The following USP13 variants were observed in gnomAD, a reference collection of about 807,000 sequenced individuals.
USP13 encodes ubiquitin specific peptidase 13, also known as ubiquitin carboxyl-terminal hydrolase 13.
In USP13, 68 loss-of-function variants were observed where a neutral mutation model predicts 107.8. That is an observed-to-expected ratio of 0.63 (90% CI 0.52 to 0.77). The LOEUF (loss-of-function observed/expected upper bound fraction) is 0.77, where lower values mean the gene tolerates loss of function less well. Ranked by LOEUF, USP13 falls within the 30% of genes least tolerant of loss-of-function variation. USP13 has a pLI of 0.00. For missense variants in USP13, 945 were observed against 1,093.3 expected, an observed-to-expected ratio of 0.86 and a Z score of 1.91; for synonymous variants, 377 against 389.5, an observed-to-expected ratio of 0.97 and a Z score of 0.38.
At chr3:179,695,767 A>G (rs1239655736) in intron 3 of USP13, among the ~76,000 whole-genome samples, 1 of 152,004 alleles carries the variant, frequency 6.6e-6, no homozygotes, top group Non-Finnish European at 1.5e-5. Context: ...CTGTGTGTAC[A>G]TCTTTGTATA....
intron 16 of USP13, among the ~76,000 whole-genome samples, chr3:179,760,023 C>T (rs866690703): frequency 3.9e-5 from 6 of 152,108 alleles, no homozygotes; most frequent in African/African-American, 7.2e-5. Context: ...TTTCTCTTCT[C>T]GGTTCTTTTC....
intron 10 of USP13, among the ~76,000 whole-genome samples, chr3:179,730,994 C>G (rs1246418161): frequency 6.6e-6 from 1 of 152,176 alleles, no homozygotes; most frequent in East Asian, 1.9e-4. Flanking sequence ...GATCGAAGGA[C>G]TAAATCTCAT....
intron 1 of USP13, among the ~76,000 whole-genome samples, chr3:179,657,246 G>T (rs1158421449): frequency 1.3e-5 from 2 of 152,134 alleles, no homozygotes; most frequent in Non-Finnish European, 2.9e-5. Context: ...GCCGGGGCGC[G>T]GTGGCTAACG....
At position 179,653,236 on chromosome 3, in the gene USP13, G is replaced by A. The variant is rs374896625; in HGVS notation, c.11G>A (p.Arg4Gln). 6.8e-4 allele frequency: 1,048 copies of A among 1,547,268 alleles called. No homozygotes were observed. Among genetic ancestry groups the A allele is most frequent in the Non-Finnish European group, 8.2e-4 (940 of 1,146,720 alleles). MQR[R>Q]GALFGMPGGS... ...GTGCGCGCCGAGGCCATGCAGCGCCGGGGCGCCCTGTTCGGCATGCCGGGC... is the reference window on the plus strand; with the variant it reads ...GTGCGCGCCGAGGCCATGCAGCGCCAGGGCGCCCTGTTCGGCATGCCGGGC... Residue 4 changes from arginine (R) to glutamine (Q), a missense_variant, in exon 1 of 21, where the codon CGG becomes CAG. Coordinates refer to ENST00000263966, the MANE Select transcript of USP13 (RefSeq NM_003940.3). This position sits in a 1 kb window ranked among gnomAD's most constrained non-coding sequence, Gnocchi z 4.0.
chr3:179,715,073 A>C (rs567233922), intron 6 of USP13, among the ~76,000 whole-genome samples: 12 of 151,280 alleles, frequency 7.9e-5, no homozygotes, highest in African/African-American at 2.9e-4. Context: ...GTAGAAATGG[A>C]GTCTTACTAT....
intron 19 of USP13, among the ~76,000 whole-genome samples, chr3:179,773,469 T>G (rs947384281): frequency 2.0e-5 from 3 of 152,206 alleles, no homozygotes; most frequent in Non-Finnish European, 4.4e-5. Context: ...TTGTAAATAT[T>G]TTAGATGCTA....
rs1019163159 is a variant in USP13, at chr3:179,784,054, G to T, written c.2505G>T (p.Val835=). 6.2e-7 allele frequency: 1 copy of T among 1,609,728 alleles called. No homozygotes were observed. Among genetic ancestry groups the T allele is most frequent in the African/African-American group, 1.3e-5 (1 of 74,708 alleles). Residue 835 remains valine (V), a synonymous_variant, in exon 21 of 21, where the codon GTG becomes GTT. Transcript: ENST00000263966. The part of the protein sequence containing the change: ...ICHIKKEGRW[V]IYNDHKVCAS... ...GCTTCTGTCTTATTTTCAGATGGGT[G>T]ATTTACAATGACCACAAAGTTTGTG...
intron 13 of USP13, among the ~76,000 whole-genome samples, chr3:179,750,274 A>G (rs1714547832): frequency 6.9e-6 from 1 of 144,996 alleles, no homozygotes; most frequent in South Asian, 2.2e-4. Flanking sequence ...TCAAAATAAT[A>G]ATAATAATAA....
chr3:179,740,269 C>T lies in USP13; in HGVS notation c.1277C>T (p.Pro426Leu), dbSNP rs766966080. ...TAGCCACAGCAGAACGGGATCTCTC[C>T]GCGCATGTTTAAGGCCTTTGTAAGC... Reference protein sequence around the residue: ...EHKPQQNGISPRMFKAFVSKS... With the variant: ...EHKPQQNGISLRMFKAFVSKS... Residue 426 changes from proline to leucine, a missense_variant, in exon 11 of 21, where the codon CCG becomes CTG. Physicochemically the swap from Pro to Leu is moderately conservative, Grantham distance 98. Coordinates refer to ENST00000263966, the MANE Select transcript of USP13 (RefSeq NM_003940.3). 4.3e-6 allele frequency: 7 copies of T among 1,613,894 alleles called. No individual in the cohort carries two copies. The highest frequency in any genetic ancestry group is 2.2e-5 in the East Asian group (1 of 44,890).
At position 179,742,475 on chromosome 3, in the gene USP13, T is replaced by C; in HGVS notation, c.1534+125T>C. On this transcript the variant is annotated intron_variant, in intron 12 of 20. Transcript: ENST00000263966. This position sits in a 1 kb window ranked among gnomAD's most constrained non-coding sequence, Gnocchi z 5.0. ...GACCCAGCCCAGGTGATGTCTGCTT[T>C]GCACATCTCTTTTCATCTCTTTGTT... 3 of 1,169,338 alleles carry C rather than the reference T, an allele frequency of 2.6e-6. No individual in the cohort carries two copies. 72.4% of individuals were successfully genotyped at this position (1,169,338 alleles called of 1,614,324 possible). A position where few individuals can be genotyped will look rare whatever the true frequency, so the allele number is the denominator to read the frequency against.
intron 10 of USP13, 41 bp downstream of exon 10, chr3:179,730,750 G>A: frequency 1.3e-6 from 2 of 1,584,334 alleles, no homozygotes; most frequent in Non-Finnish European, 1.7e-6. Context: ...TGTAGGTAGG[G>A]AGGAGCTTTA....
intron 10 of USP13, among the ~76,000 whole-genome samples, chr3:179,735,517 A>G (rs1005943425): frequency 1.3e-5 from 2 of 152,074 alleles, no homozygotes. Flanking sequence ...TGCAGCTTCA[A>G]TAATCATCCT....
At chr3:179,759,018 G>A (rs1331664044) in intron 16 of USP13, among the ~76,000 whole-genome samples, 1 of 150,334 alleles carries the variant, frequency 6.7e-6, no homozygotes, top group East Asian at 2.0e-4. Flanking sequence ...GTGTCACTCT[G>A]TCACCCAGGC....
At chr3:179,711,468 C>A (rs1216607126) in intron 6 of USP13, among the ~76,000 whole-genome samples, 1 of 152,216 alleles carries the variant, frequency 6.6e-6, no homozygotes, top group Non-Finnish European at 1.5e-5. Context: ...CCACCTCGGC[C>A]TCTCAAAGTG....
intron 1 of USP13, among the ~76,000 whole-genome samples, chr3:179,671,213 A>C (rs936793284): frequency 1.3e-5 from 2 of 152,112 alleles, no homozygotes; most frequent in Non-Finnish European, 2.9e-5. Context: ...TTTCTGGGCA[A>C]CAGAGTGAGA....
chr3:179,755,599 C>T (rs561055757), intron 15 of USP13, among the ~76,000 whole-genome samples: 1 of 152,190 alleles, frequency 6.6e-6, no homozygotes, highest in South Asian at 2.1e-4. Flanking sequence ...TGCCCAGCCT[C>T]ATAACTTTTT....
In USP13 at chr3:179,678,460, T is replaced by C. The variant is rs1438738395; in HGVS notation, c.169-3418T>C. 6.7e-6 allele frequency among the ~76,000 whole-genome samples: 1 copy of C among 149,124 alleles called. No homozygotes were observed. Among genetic ancestry groups the C allele is most frequent in the Non-Finnish European group, 1.5e-5 (1 of 67,378 alleles). On this transcript the variant is annotated intron_variant, in intron 1 of 20. Transcript: ENST00000263966. This position sits in a 1 kb window ranked among gnomAD's most constrained non-coding sequence, Gnocchi z 4.2. Reference sequence around the variant, plus strand: ...ACAAGCACAAGCTATATTATAATTATAAGCTTTTTTGGATGCTATTTTTTT... The same window carrying C: ...ACAAGCACAAGCTATATTATAATTACAAGCTTTTTTGGATGCTATTTTTTT...
intron 11 of USP13, 116 bp downstream of exon 11, chr3:179,740,488 C>CGA: frequency 6.8e-7 from 1 of 1,469,606 alleles, no homozygotes; most frequent in Non-Finnish European, 9.2e-7. Context: ...TTCAATCTCT[C>CGA]CTGTTAAAGC....
chr3:179,723,045 T>G (rs1425897853), intron 8 of USP13, among the ~76,000 whole-genome samples: 1 of 152,160 alleles, frequency 6.6e-6, no homozygotes, highest in African/African-American at 2.4e-5. Context: ...ATCATCCTAA[T>G]GTGTTCCAGA....
Sources: gnomAD v4.1 joint callset for allele counts (sites outside exome capture counted in the v4.1 genomes callset) on GRCh38, gnomAD v4.1.1 for gene constraint, Gnocchi (gnomAD v3.1) non-coding constraint, MANE v1.5 for transcripts, NCBI Gene and HGNC (gene_info 2026-07-23, HGNC 2026-07-21) for gene names.